Variants in AP3B1 observed in about 807,000 individuals in gnomAD.
AP3B1 encodes AP-3 complex subunit beta-1.
Under a neutral mutation model 132.5 loss-of-function variants are expected in AP3B1, and 61 were observed. The observed-to-expected ratio is 0.46, with a 90% CI of 0.37 to 0.57. AP3B1 has a LOEUF of 0.57. Ranked by LOEUF, AP3B1 falls within the 20% of genes least tolerant of loss-of-function variation. The pLI is 0.00. For missense variants in AP3B1, 1,120 were observed against 1,289.4 expected, an observed-to-expected ratio of 0.87 and a Z score of 2.01; for synonymous variants, 388 against 438.3, an observed-to-expected ratio of 0.89 and a Z score of 1.43.
intron 7 of AP3B1, among the ~76,000 whole-genome samples, chr5:78,210,509 G>A (rs1050247911): frequency 6.6e-6 from 1 of 152,150 alleles, no homozygotes; most frequent in African/African-American, 2.4e-5. Context: ...GATATACAGA[G>A]AGAGACAAAA....
At chr5:78,226,234 C>G (rs1253045198) in intron 5 of AP3B1, among the ~76,000 whole-genome samples, 2 of 152,042 alleles carry the variant, frequency 1.3e-5, no homozygotes, top group African/African-American at 4.8e-5. Flanking sequence ...GAGCATGGAT[C>G]TTATCCCATA....
chr5:78,007,024 A>G (rs1746425340), intron 26 of AP3B1, among the ~76,000 whole-genome samples: 1 of 152,256 alleles, frequency 6.6e-6, no homozygotes, highest in African/African-American at 2.4e-5. Context: ...CCAAATAGCA[A>G]CAACAAATTT....
intron 7 of AP3B1, among the ~76,000 whole-genome samples, chr5:78,197,224 C>A (rs1285373797): frequency 6.6e-6 from 1 of 151,908 alleles, no homozygotes; most frequent in Non-Finnish European, 1.5e-5. Flanking sequence ...TATATCTGAA[C>A]CTATCTTATA....
intron 22 of AP3B1, among the ~76,000 whole-genome samples, chr5:78,084,145 G>A (rs1460677474): frequency 6.6e-6 from 1 of 151,914 alleles, no homozygotes; most frequent in African/African-American, 2.4e-5. Flanking sequence ...TCATTTCATA[G>A]TTGAAAAAAA....
At chr5:78,123,321 G>C (rs1321805702) in intron 17 of AP3B1, among the ~76,000 whole-genome samples, 1 of 152,096 alleles carries the variant, frequency 6.6e-6, no homozygotes, top group African/African-American at 2.4e-5. Context: ...CAAAAGCAAT[G>C]GTAACAAAAG....
At chr5:78,129,477 A>T (rs1383847729) in intron 15 of AP3B1, among the ~76,000 whole-genome samples, 170 bp from the exon 16 acceptor site, 1 of 152,156 alleles carries the variant, frequency 6.6e-6, no homozygotes, top group African/African-American at 2.4e-5. Flanking sequence ...AAGCCAAAGC[A>T]CATGTCCTCT....
chr5:78,190,221 T>G (rs987010709), intron 7 of AP3B1, among the ~76,000 whole-genome samples: 1 of 152,134 alleles, frequency 6.6e-6, no homozygotes. Flanking sequence ...AACATTCCCC[T>G]CAGAAGAAAT....
At chr5:78,221,111 A>G (rs1746161387) in intron 6 of AP3B1, among the ~76,000 whole-genome samples, 1 of 152,112 alleles carries the variant, frequency 6.6e-6, no homozygotes, top group African/African-American at 2.4e-5. Flanking sequence ...ATCTCGAAAT[A>G]GTTTGGGGAC....
chr5:78,190,310 C>A (rs540944175), intron 7 of AP3B1, among the ~76,000 whole-genome samples: 5 of 152,112 alleles, frequency 3.3e-5, no homozygotes, highest in Admixed American at 1.3e-4. Flanking sequence ...AGATCCGGCT[C>A]TCCCAGTTAC....
intron 6 of AP3B1, among the ~76,000 whole-genome samples, chr5:78,222,839 C>G (rs1316131940): frequency 6.6e-6 from 1 of 151,968 alleles, no homozygotes; most frequent in African/African-American, 2.4e-5. Flanking sequence ...CAACTCTAAA[C>G]TAATATTTAA....
At chr5:78,249,579 C>CTTTTTTTTTTT (rs71301504) in intron 2 of AP3B1, among the ~76,000 whole-genome samples, 2 of 105,074 alleles carry the variant, frequency 1.9e-5, no homozygotes, top group Admixed American at 2.2e-4. Context: ...TTTTCTTTTT[C>CTTTTTTTTTTT]TTTTTTTTTT....
intron 21 of AP3B1, among the ~76,000 whole-genome samples, chr5:78,095,944 T>C (rs548196014): frequency 1.0e-3 from 159 of 152,332 alleles, no homozygotes; most frequent in African/African-American, 3.7e-3. Flanking sequence ...AAAGTTCCCT[T>C]AAAATTCAAA....
intron 1 of AP3B1, among the ~76,000 whole-genome samples, chr5:78,282,117 C>T (rs1036849604): frequency 1.3e-5 from 2 of 152,144 alleles, no homozygotes; most frequent in Non-Finnish European, 2.9e-5. Flanking sequence ...GGACTGCCAT[C>T]GATTTCCACA....
intron 7 of AP3B1, among the ~76,000 whole-genome samples, chr5:78,209,766 C>T (rs1397552202): frequency 2.6e-5 from 4 of 152,154 alleles, no homozygotes. Flanking sequence ...CTAATTCAGA[C>T]ATTGAGAAGG....
At chr5:78,079,161 G>A (rs1031415866) in intron 22 of AP3B1, among the ~76,000 whole-genome samples, 32 of 152,106 alleles carry the variant, frequency 2.1e-4, no homozygotes, top group African/African-American at 7.5e-4. Flanking sequence ...CTTACTGAAT[G>A]TTTTTTAAAA....
intron 12 of AP3B1, 80 bp downstream of exon 12, chr5:78,165,530 A>C: frequency 1.0e-6 from 1 of 977,274 alleles, no homozygotes. Flanking sequence ...ATAATTACAT[A>C]TTTCTAGATA....
chr5:78,197,689 T>C (rs1187351015), intron 7 of AP3B1, among the ~76,000 whole-genome samples: 1 of 152,176 alleles, frequency 6.6e-6, no homozygotes, highest in African/African-American at 2.4e-5. Flanking sequence ...CTATGATCTT[T>C]TGTCAGTTCA....
intron 14 of AP3B1, among the ~76,000 whole-genome samples, chr5:78,152,171 G>C (rs1048014928): frequency 5.9e-5 from 8 of 134,920 alleles, no homozygotes; most frequent in African/African-American, 2.2e-4. Flanking sequence ...GTTTGGTTTC[G>C]GTATCAGGGT....
At chr5:78,242,769 C>G (rs1444021982) in intron 2 of AP3B1, among the ~76,000 whole-genome samples, 1 of 152,100 alleles carries the variant, frequency 6.6e-6, no homozygotes, top group Non-Finnish European at 1.5e-5. Flanking sequence ...TTTTACATTT[C>G]TATTTATTTT....
Sources: allele counts gnomAD v4.1 joint callset (sites outside exome capture counted in the v4.1 genomes callset), GRCh38; gene constraint gnomAD v4.1.1; transcripts MANE v1.5; gene names NCBI Gene and HGNC (gene_info 2026-07-23, HGNC 2026-07-21).